SPRY3: variants seen among roughly 807,000 people sequenced by gnomAD.
The protein encoded by SPRY3 is sprouty RTK signaling antagonist 3.
A neutral mutation model predicts 20.2 loss-of-function variants in SPRY3; 15 were observed. The ratio of observed to expected loss-of-function variants is 0.74; its 90% CI spans 0.50 to 1.14. The LOEUF (loss-of-function observed/expected upper bound fraction) is 1.14, where lower values mean the gene tolerates loss of function less well. Ranked by LOEUF, SPRY3 falls within the 50% of genes most tolerant of loss-of-function variation. The pLI is 0.00. For missense variants in SPRY3, 364 were observed against 363.9 expected, an observed-to-expected ratio of 1.00 and a Z score of 0.00; for synonymous variants, 143 against 136.5, an observed-to-expected ratio of 1.05 and a Z score of -0.33.
chrX:155,700,553 A>G (rs892975675), intron 2 of SPRY3, among the ~76,000 whole-genome samples: 2 of 103,826 alleles, frequency 1.9e-5, no homozygotes, highest in Non-Finnish European at 3.9e-5. Flanking sequence ...AGAAGAATGG[A>G]TAAACAAAAT....
intron 1 of SPRY3, among the ~76,000 whole-genome samples, chrX:155,633,681 G>C (rs1237121785): frequency 9.0e-6 from 1 of 111,711 alleles, no homozygotes. Context: ...TAAGATGATA[G>C]TGGAGTTTTG....
At chrX:155,669,884 T>C (rs782112422) in intron 2 of SPRY3, 1 of 111,278 alleles carries the variant, frequency 9.0e-6, no homozygotes, top group African/African-American at 3.3e-5. Context: ...CATGTGGTGA[T>C]AGGCATGACT....
At chrX:155,758,317 A>G (rs1455089315) in intron 2 of SPRY3, among the ~76,000 whole-genome samples, 1 of 152,224 alleles carries the variant, frequency 6.6e-6, no homozygotes, top group African/African-American at 2.4e-5. Flanking sequence ...AGAGATGAAG[A>G]ATGACTTGCT....
rs1396021809 is a variant in SPRY3, at chrX:155,705,659, A to G, written c.-282+48634A>G. ...AAGGTATAGATATGTTGAAAGTAAA[A>G]GAGTGGAGAAATACATATAATGCAA... is the stretch of plus-strand genomic sequence containing the variant. On this transcript the variant is annotated intron_variant, in intron 2 of 3. Transcript: ENST00000675360. 4.0e-5 allele frequency among the ~76,000 whole-genome samples: 6 copies of G among 151,374 alleles called. No homozygotes were observed. The East Asian group carries it at 1.2e-3, about 29-fold the overall frequency.
At chrX:155,705,680 T>G (rs1201011521) in intron 2 of SPRY3, among the ~76,000 whole-genome samples, 1 of 151,260 alleles carries the variant, frequency 6.6e-6, no homozygotes, top group Non-Finnish European at 1.5e-5. Context: ...ATACATATAA[T>G]GCAAACACTA....
rs782001702 is a variant in SPRY3, at chrX:155,672,609, T to C, written c.-282+15584T>C. On this transcript the variant is annotated intron_variant, in intron 2 of 3. Transcript: ENST00000675360. ...TGGAGAAATAGGAACACTTTTACAC[T>C]GTTGGTGGGACTGTAAACTAGTTCA... is the stretch of plus-strand genomic sequence containing the variant. 2.2e-4 allele frequency among the ~76,000 whole-genome samples: 21 copies of C among 96,635 alleles called. 1 individual carries two copies. In the Admixed American group the frequency reaches 2.3e-3, roughly 10 times the overall value. The allele number at this position is 96,635 out of a possible 115,157, so 83.9% of individuals were successfully genotyped here. A position where few individuals can be genotyped will look rare whatever the true frequency, so the allele number is the denominator to read the frequency against.
intron 2 of SPRY3, among the ~76,000 whole-genome samples, chrX:155,737,055 T>C (rs1372163401): frequency 6.6e-6 from 1 of 152,170 alleles, no homozygotes; most frequent in African/African-American, 2.4e-5. Flanking sequence ...GATTCTTTCT[T>C]AGAATTTTCA....
intron 2 of SPRY3, among the ~76,000 whole-genome samples, chrX:155,689,117 T>C (rs1439234877): frequency 1.1e-5 from 1 of 88,070 alleles, no homozygotes; most frequent in East Asian, 3.3e-4. Flanking sequence ...AATAATTAGA[T>C]CCCGTATGAC....
chrX:155,746,200 C>A (rs1489861738), intron 2 of SPRY3, among the ~76,000 whole-genome samples: 1 of 151,982 alleles, frequency 6.6e-6, no homozygotes, highest in East Asian at 1.9e-4. Context: ...ATGTTACTTT[C>A]TTTTATACCT....
intron 3 of SPRY3, among the ~76,000 whole-genome samples, chrX:155,769,529 G>C (rs895580578): frequency 7.4e-6 from 1 of 135,674 alleles, no homozygotes; most frequent in Non-Finnish European, 1.6e-5. Context: ...TCATATAAAA[G>C]GATTTGAGTT....
At chrX:155,699,540 AG>A (rs2068129330) in intron 2 of SPRY3, among the ~76,000 whole-genome samples, 1 of 111,472 alleles carries the variant, frequency 9.0e-6, no homozygotes, top group Non-Finnish European at 1.9e-5. Flanking sequence ...AGATATCAGT[AG>A]CTATGCTGGA....
At chrX:155,642,987 GTCCA>G (rs2067946803) in intron 1 of SPRY3, among the ~76,000 whole-genome samples, 1 of 111,693 alleles carries the variant, frequency 9.0e-6, no homozygotes, top group Non-Finnish European at 1.9e-5. Context: ...AATCTATTAG[GTCCA>G]TTTGGTCTAT....
intron 2 of SPRY3, among the ~76,000 whole-genome samples, chrX:155,687,715 G>A (rs2068091570): frequency 8.9e-6 from 1 of 112,174 alleles, no homozygotes; most frequent in Non-Finnish European, 1.9e-5. Flanking sequence ...TCTATTACTT[G>A]AACGAGATTA....
At chrX:155,725,613 G>T (rs746426549) in intron 2 of SPRY3, among the ~76,000 whole-genome samples, 2 of 152,276 alleles carry the variant, frequency 1.3e-5, no homozygotes, top group Non-Finnish European at 2.9e-5. Context: ...GTGTAGAGGT[G>T]TTTATAGTAT....
intron 2 of SPRY3, among the ~76,000 whole-genome samples, chrX:155,747,812 T>G: frequency 6.6e-6 from 1 of 152,050 alleles, no homozygotes; most frequent in African/African-American, 2.4e-5. Context: ...AGAGCAGTGC[T>G]TCTCAACTCT....
chrX:155,781,183 CA>C (rs1165121139), downstream of SPRY3: 1 of 166,914 alleles, frequency 6.0e-6, no homozygotes, highest in African/African-American at 2.4e-5. Flanking sequence ...ATGCCACTAA[CA>C]CTATCTGCCT....
At chrX:155,725,860 G>A (rs1413264239) in intron 2 of SPRY3, among the ~76,000 whole-genome samples, 1 of 152,060 alleles carries the variant, frequency 6.6e-6, no homozygotes, top group Non-Finnish European at 1.5e-5. Flanking sequence ...CCTTCTGCTA[G>A]CATTTGAATT....
chrX:155,737,903 A>G (rs1007703017), intron 2 of SPRY3, among the ~76,000 whole-genome samples: 2 of 152,208 alleles, frequency 1.3e-5, no homozygotes, highest in East Asian at 1.9e-4. Flanking sequence ...ATGTGGGAAT[A>G]TAAGAGTGTA....
chrX:155,717,683 T>G (rs185546093), intron 2 of SPRY3, among the ~76,000 whole-genome samples: 1 of 152,076 alleles, frequency 6.6e-6, no homozygotes, highest in African/African-American at 2.4e-5. Context: ...TGTGTCAGTT[T>G]ACTGAGAATG....
Sources: gnomAD v4.1 joint callset for allele counts (sites outside exome capture counted in the v4.1 genomes callset) on GRCh38, gnomAD v4.1.1 for gene constraint, MANE v1.5 for transcripts, NCBI Gene and HGNC (gene_info 2026-07-23, HGNC 2026-07-21) for gene names.